Variants in ARSL observed in about 807,000 individuals in gnomAD.
ARSL encodes the protein arylsulfatase E (chondrodysplasia punctata 1).
ARSL carries 4 observed loss-of-function variants against 31.1 expected under a neutral mutation model. The observed-to-expected ratio is 0.13, with a 90% CI of 0.06 to 0.29. The LOEUF (loss-of-function observed/expected upper bound fraction) is 0.29, where lower values mean the gene tolerates loss of function less well. ARSL is among the 10% of genes least tolerant of loss of function. The probability of loss-of-function intolerance (pLI) is 1.00; values close to 1 mark genes in which losing one functional copy is unlikely to be tolerated. For synonymous variants in ARSL, 198 were observed against 209.9 expected (o/e 0.94, Z 0.49); for missense variants, 312 against 497.8 (o/e 0.63, Z 3.55).
In ARSL at chrX:2,950,133, G is replaced by A. The variant is rs146309022; in HGVS notation, c.431-406C>T. Among the ~76,000 whole-genome samples the A allele has an allele frequency of 9.7e-4, 108 of 111,717 alleles. 1 individual carries two copies. In the East Asian group the frequency reaches 0.019, roughly 20 times the overall value. ...TCCTGAGGGCTCCAGGCCTCCCTGG[G>A]CTTGTGGCCGCATCACTCCAGTCTC... On this transcript the variant is annotated intron_variant, in intron 5 of 10. Transcript: ENST00000381134.
chrX:2,960,985 G>C (rs1446757389), intron 1 of ARSL, among the ~76,000 whole-genome samples: 3 of 110,046 alleles, frequency 2.7e-5, no homozygotes, highest in Non-Finnish European at 3.8e-5. Flanking sequence ...TTGGGAGGCG[G>C]AAGTGGGAGG....
intron 5 of ARSL, among the ~76,000 whole-genome samples, chrX:2,951,614 C>CAAAAAAAA (rs1164575386): frequency 9.4e-4 from 27 of 28,734 alleles, no homozygotes; most frequent in East Asian, 1.4e-3. Flanking sequence ...CCCATCTCTA[C>CAAAAAAAA]AAAAAAAAAA....
At position 2,949,777 on chromosome X, in the gene ARSL, A is replaced by G. The variant is rs5982937; in HGVS notation, c.431-50T>C. On this transcript the variant is annotated intron_variant, in intron 5 of 10. Transcript: ENST00000381134. ...GTGACAAGCATCTGAGCATAACTGG[A>G]CATGTCGATATTGACTGTTTGTCAC... The G allele has an allele frequency of 2.3e-4, 265 of 1,146,065 alleles. 1 individual carries two copies. The African/African-American group carries it at 4.4e-3, about 19-fold the overall frequency. The allele number at this position is 1,146,065 out of a possible 1,213,427, so 94.4% of individuals were successfully genotyped here.
chrX:2,936,071 T>C (rs991066473), intron 10 of ARSL, among the ~76,000 whole-genome samples: 3 of 110,890 alleles, frequency 2.7e-5, no homozygotes, highest in African/African-American at 9.9e-5. Context: ...TGGTGGCTCA[T>C]GCCTGTCATC....
chrX:2,953,430 G>T (rs1302941893), intron 4 of ARSL, among the ~76,000 whole-genome samples, 165 bp from the exon 5 acceptor site: 1 of 112,025 alleles, frequency 8.9e-6, no homozygotes, highest in East Asian at 2.8e-4. Context: ...TGCATTTTTG[G>T]CAGCAAAGTA....
At chrX:2,936,416 GTGA>G (rs758540744) in intron 10 of ARSL, among the ~76,000 whole-genome samples, 15 of 111,665 alleles carry the variant, frequency 1.3e-4, no homozygotes, top group East Asian at 5.6e-4. Flanking sequence ...ATACGTGTGT[GTGA>G]TGATGATAAA....
At chrX:2,962,400 C>A (rs1432915579) in intron 1 of ARSL, among the ~76,000 whole-genome samples, 1 of 112,098 alleles carries the variant, frequency 8.9e-6, no homozygotes, top group East Asian at 2.8e-4. Flanking sequence ...AGTGACCTGG[C>A]CACTTTTAGA....
At chrX:2,960,451 T>C (rs767511554) in intron 1 of ARSL, 31 bp from the exon 2 acceptor site, 43 of 1,194,840 alleles carry the variant, frequency 3.6e-5, no homozygotes, top group Admixed American at 3.3e-4. Context: ...CACAATCACA[T>C]TGACAGCAGA....
intron 8 of ARSL, among the ~76,000 whole-genome samples, chrX:2,939,186 G>A (rs2089246635): frequency 9.0e-6 from 1 of 111,368 alleles, no homozygotes; most frequent in Non-Finnish European, 1.9e-5. Context: ...AGCATTCTAA[G>A]AGACAGAAGA....
chrX:2,954,855 T>C (rs774924953), intron 4 of ARSL, among the ~76,000 whole-genome samples: 16 of 111,517 alleles, frequency 1.4e-4, no homozygotes, highest in African/African-American at 3.6e-4. Flanking sequence ...CTTTCTTATT[T>C]ATTGTTTTTC....
At chrX:2,937,785 T>C (rs1022496469) in intron 9 of ARSL, among the ~76,000 whole-genome samples, 16 of 111,821 alleles carry the variant, frequency 1.4e-4, no homozygotes, top group African/African-American at 4.9e-4. Flanking sequence ...TGTCTTTAGA[T>C]GGATGCACGC....
At chrX:2,947,917 G>A (rs1686933851) in intron 6 of ARSL, among the ~76,000 whole-genome samples, 1 of 112,473 alleles carries the variant, frequency 8.9e-6, no homozygotes, top group African/African-American at 3.2e-5. Context: ...GAGGTCAGGA[G>A]TTCAAGACCA....
rs2089374546 is a variant in ARSL, at chrX:2,946,053, C to T, written c.936G>A (p.Gly312=). The change falls in exon 7 of 11, where the codon GGG becomes GGA. Residue 312 remains glycine (G), a synonymous_variant. Coordinates refer to ENST00000381134, the MANE Select transcript of ARSL (RefSeq NM_000047.3). The stretch of plus-strand genomic sequence containing the variant: ...CCCCATACAGCCCGTGGAGACTCTT[C>T]CCGAGGAAGTTCTCCATAGTGATAA... The part of the protein sequence containing the change: ...IPLITMENFL[G]KSLHGLYGDN... The T allele has an allele frequency of 8.3e-7, 1 of 1,208,781 alleles. No homozygotes were observed. The highest frequency in any genetic ancestry group is 2.2e-5 in the Admixed American group (1 of 45,487).
At chrX:2,967,010 T>G (rs1365419245), upstream of ARSL, among the ~76,000 whole-genome samples, 3 of 111,341 alleles carry the variant, frequency 2.7e-5, no homozygotes, top group Non-Finnish European at 5.7e-5. Context: ...ATATATGTAC[T>G]TTTTAAAGTA....
rs775555056 is a variant in ARSL at position 2,960,830 on chromosome X, C to CAG, written c.-20-412_-20-411dup. Reference sequence around the variant, plus strand: ...GGGTGATTCCTAATGTCCAGAAATGCAGAGAGAGAGTCCTGATTTGGAAGG... The same window carrying CAG: ...GGGTGATTCCTAATGTCCAGAAATGCAGAGAGAGAGAGTCCTGATTTGGAAGG... On this transcript the variant is annotated intron_variant, in intron 1 of 10. Coordinates refer to ENST00000381134, the MANE Select transcript of ARSL (RefSeq NM_000047.3). Among the ~76,000 whole-genome samples, 7 of 111,046 alleles carry CAG rather than the reference C, an allele frequency of 6.3e-5. No individual in the cohort carries two copies. In the South Asian group the frequency reaches 1.9e-3, roughly 30 times the overall value.
At chrX:2,960,065 C>A (rs1336899726) in intron 2 of ARSL, among the ~76,000 whole-genome samples, 9 of 103,737 alleles carry the variant, frequency 8.7e-5, no homozygotes, top group African/African-American at 2.4e-4. Context: ...GTCAGGAGAT[C>A]GAGACCATCC....
chrX:2,965,967 G>T (rs2089696192), upstream of ARSL, among the ~76,000 whole-genome samples: 1 of 112,466 alleles, frequency 8.9e-6, no homozygotes. Context: ...CATGATCATT[G>T]CTGGGAAGTT....
rs184945903 is a variant in ARSL at position 2,963,604 on chromosome X, G to A, written c.-21+620C>T. 5.3e-5 allele frequency among the ~76,000 whole-genome samples: 5 copies of A among 94,368 alleles called. No individual in the cohort carries two copies. In the East Asian group the frequency reaches 1.7e-3, roughly 33 times the overall value. The allele number at this position is 94,368 out of a possible 115,157, so 81.9% of individuals were successfully genotyped here. A position where few individuals can be genotyped will look rare whatever the true frequency, so the allele number is the denominator to read the frequency against. ...CACCCAGGCTGGAGAGCAATGGTGC[G>A]ACCATAGTTCACTGCAGCCTCAAAT... is the stretch of plus-strand genomic sequence containing the variant. On this transcript the variant is annotated intron_variant, in intron 1 of 10. Transcript: ENST00000381134.
At chrX:2,953,038 T>TG (rs2089482388) in intron 5 of ARSL, 105 bp downstream of exon 5, 2 of 1,009,445 alleles carry the variant, frequency 2.0e-6, no homozygotes, top group African/African-American at 3.7e-5. Flanking sequence ...TTCTGTCTAG[T>TG]GGGAAATCCC....
Sources: allele counts gnomAD v4.1 joint callset (sites outside exome capture counted in the v4.1 genomes callset), GRCh38; gene constraint gnomAD v4.1.1; transcripts MANE v1.5; gene names NCBI Gene and HGNC (gene_info 2026-07-23, HGNC 2026-07-21).